Variants in RIPOR2 observed in about 807,000 individuals in gnomAD.
RIPOR2 encodes the protein RHO family interacting cell polarization regulator 2.
A neutral mutation model predicts 114.5 loss-of-function variants in RIPOR2; 39 were observed. The ratio of observed to expected loss-of-function variants is 0.34; its 90% CI spans 0.26 to 0.44. The LOEUF (loss-of-function observed/expected upper bound fraction) is 0.44. Ranked by LOEUF, RIPOR2 falls within the 20% of genes least tolerant of loss-of-function variation. The pLI, the probability that RIPOR2 is intolerant of heterozygous loss-of-function variation, is 1.00. For missense variants in RIPOR2, 1,007 were observed against 1,255.1 expected (o/e 0.80, Z 2.99); for synonymous variants, 445 against 484.4 (o/e 0.92, Z 1.07).
In RIPOR2 at chr6:24,971,008, C is replaced by G. The variant is rs140831217; in HGVS notation, c.76+70843G>C. On this transcript the variant is annotated intron_variant, in intron 1 of 13. Coordinates refer to the RIPOR2 transcript ENST00000510784. ...AATGAGATAATCATCATGTAAAGCA[C>G]TGAAATCGTGCCTGGAACATGGTCA... Among the ~76,000 whole-genome samples, 95 of 152,290 alleles carry G rather than the reference C, an allele frequency of 6.2e-4. 1 individual carries two copies. The highest frequency in any genetic ancestry group is 5.3e-3 in the Admixed American group (81 of 15,280).
chr6:24,832,326 C>T lies in RIPOR2; in HGVS notation c.2274G>A (p.Gln758=). The change falls in exon 16 of 22, where the codon CAG becomes CAA. Residue 758 remains glutamine (Q), a synonymous_variant. Coordinates refer to ENST00000643898, the MANE Select transcript of RIPOR2 (RefSeq NM_001286445.3). The part of the protein sequence containing the change: ...ARSLLEKLSR[Q]IQVMEKLAAV... ...CTGCGAGTTTCTCCATCACTTGGAT[C>T]TGCCTAGAAAGCTTCTCTAAGAGAC... 1 of 1,551,944 alleles carries T rather than the reference C, an allele frequency of 6.4e-7. No homozygotes were observed. The highest frequency in any genetic ancestry group is 8.7e-7 in the Non-Finnish European group (1 of 1,146,970).
intron 12 of RIPOR2, chr6:24,847,443 G>T: frequency 7.8e-7 from 1 of 1,279,544 alleles, no homozygotes; most frequent in Non-Finnish European, 1.1e-6. Flanking sequence ...ACCATACCCA[G>T]TGAGCAAGAC....
At chr6:24,918,317 T>C (rs1770239721) in intron 1 of RIPOR2, among the ~76,000 whole-genome samples, 1 of 152,248 alleles carries the variant, frequency 6.6e-6, no homozygotes, top group African/African-American at 2.4e-5. Flanking sequence ...TCATTACCTA[T>C]TATTGAAAAA....
At chr6:24,818,074 C>T (rs1759327251) in intron 20 of RIPOR2, among the ~76,000 whole-genome samples, 1 of 149,492 alleles carries the variant, frequency 6.7e-6, no homozygotes, top group East Asian at 2.0e-4. Context: ...AGCAATTCTC[C>T]CTCCTCAGCC....
chr6:24,985,488 A>G (rs1774490437), intron 1 of RIPOR2, among the ~76,000 whole-genome samples: 2 of 152,106 alleles, frequency 1.3e-5, no homozygotes, highest in South Asian at 4.1e-4. Flanking sequence ...GTTTCTGGAA[A>G]CCCTAACCCA....
intron 1 of RIPOR2, among the ~76,000 whole-genome samples, chr6:24,965,425 AC>A (rs1459966603): frequency 1.3e-5 from 2 of 152,182 alleles, no homozygotes; most frequent in African/African-American, 4.8e-5. Context: ...GGCATGAGCC[AC>A]CACACCTGGC....
intron 1 of RIPOR2, among the ~76,000 whole-genome samples, chr6:24,942,016 A>G (rs1772157342): frequency 6.6e-6 from 1 of 152,170 alleles, no homozygotes; most frequent in Admixed American, 6.5e-5. Flanking sequence ...GTGACCCCAG[A>G]CCCAAGACAG....
chr6:24,932,318 G>C (rs1197451873), intron 1 of RIPOR2, among the ~76,000 whole-genome samples: 2 of 120,254 alleles, frequency 1.7e-5, no homozygotes, highest in East Asian at 2.5e-4. Context: ...TTAAGACTGT[G>C]TGTGTGTGTG....
chr6:24,940,461 C>CA (rs1243903553), upstream of RIPOR2, among the ~76,000 whole-genome samples: 1 of 151,520 alleles, frequency 6.6e-6, no homozygotes, highest in Non-Finnish European at 1.5e-5. Context: ...GAAAGGAGAA[C>CA]AAAGTAGGAG....
chr6:24,895,708 C>T (rs6913594), intron 1 of RIPOR2, among the ~76,000 whole-genome samples: 5,102 of 152,174 alleles, frequency 0.034, 99 homozygotes, highest in African/African-American at 0.051. Flanking sequence ...AGAACTTCTT[C>T]GGCCGGGCGC....
rs1437406098 is a variant in RIPOR2 at position 25,005,706 on chromosome 6, T to G, written c.76+36145A>C. Among the ~76,000 whole-genome samples the G allele has an allele frequency of 1.2e-4, 7 of 60,574 alleles. 1 individual carries two copies. The East Asian group carries it at 1.9e-3, about 16-fold the overall frequency. The allele number at this position is 60,574 out of a possible 152,430, so 39.7% of individuals were successfully genotyped here. Reference sequence around the variant, plus strand: ...AAATCCCTATGGAGATATATATATATATATATATATATATATATATATATA... The same window carrying G: ...AAATCCCTATGGAGATATATATATAGATATATATATATATATATATATATA... On this transcript the variant is annotated intron_variant, in intron 1 of 13. Coordinates refer to the RIPOR2 transcript ENST00000510784.
chr6:24,893,132 A>G (rs1286233631), intron 1 of RIPOR2, among the ~76,000 whole-genome samples: 1 of 152,236 alleles, frequency 6.6e-6, no homozygotes, highest in Non-Finnish European at 1.5e-5. Flanking sequence ...AGATACTTCA[A>G]CAGCAACAAT....
At chr6:24,881,630 T>C (rs931540868) in intron 1 of RIPOR2, among the ~76,000 whole-genome samples, 1 of 152,238 alleles carries the variant, frequency 6.6e-6, no homozygotes, top group African/African-American at 2.4e-5. Context: ...GACTATGCAG[T>C]GTTAAGTTCC....
At chr6:24,890,102 A>G (rs1336243286) in intron 1 of RIPOR2, among the ~76,000 whole-genome samples, 1 of 151,824 alleles carries the variant, frequency 6.6e-6, no homozygotes, top group African/African-American at 2.4e-5. Context: ...ACCATGTTAG[A>G]CAGGCTGGTC....
intron 7 of RIPOR2, among the ~76,000 whole-genome samples, 161 bp downstream of exon 7, chr6:24,865,140 G>A (rs898311495): frequency 1.3e-5 from 2 of 152,128 alleles, no homozygotes; most frequent in Non-Finnish European, 2.9e-5. Flanking sequence ...CAATTCTACC[G>A]ATTGCCTTTC....
Position 24,828,129 on chromosome 6 carries a change from T to A in RIPOR2, c.2665+8A>T, listed in dbSNP as rs773562735. 27 of 1,541,024 alleles carry A rather than the reference T, an allele frequency of 1.8e-5. No individual in the cohort carries two copies. In the East Asian group the frequency reaches 4.7e-4, roughly 27 times the overall value. ...ACCACTACAATGTGACAAAAGAACA[T>A]GTCCCACCTTGCCTGGCCAGCTGGC... is the stretch of plus-strand genomic sequence containing the variant. On this transcript the variant is annotated splice_region_variant and intron_variant, in intron 18 of 21. Coordinates refer to ENST00000643898, the MANE Select transcript of RIPOR2 (RefSeq NM_001286445.3).
intron 1 of RIPOR2, among the ~76,000 whole-genome samples, chr6:24,981,723 G>A (rs762395767): frequency 1.1e-4 from 16 of 152,174 alleles, no homozygotes; most frequent in Non-Finnish European, 1.5e-5. Flanking sequence ...CTTGCTAATT[G>A]TGGAAGCCTG....
Position 24,832,022 on chromosome 6 carries a change from G to T in RIPOR2, c.2344+234C>A, listed in dbSNP as rs11968283. Among the ~76,000 whole-genome samples the T allele has an allele frequency of 0.026, 3,940 of 152,220 alleles. 158 individuals are homozygous for T. The highest frequency in any genetic ancestry group is 0.083 in the African/African-American group (3,435 of 41,510). ...GAAGTGGATGCTGTTTTTGTTTCTGGGTCTGACTTCTGGGGGTGGAGGCCC... is the reference window on the plus strand; with the variant it reads ...GAAGTGGATGCTGTTTTTGTTTCTGTGTCTGACTTCTGGGGGTGGAGGCCC... On this transcript the variant is annotated intron_variant, in intron 16 of 21. Coordinates refer to ENST00000643898, the MANE Select transcript of RIPOR2 (RefSeq NM_001286445.3).
chr6:25,029,411 G>GAAAAAAAAAAAAAAAAAAAAAA (rs71544610), intron 1 of RIPOR2, among the ~76,000 whole-genome samples: 1 of 90,634 alleles, frequency 1.1e-5, no homozygotes, highest in African/African-American at 4.2e-5. Flanking sequence ...TCTCAAAAAA[G>GAAAAAAAAAAAAAAAAAAAAAA]AAAAAAAAAA....
Sources: gnomAD v4.1 joint callset for allele counts (sites outside exome capture counted in the v4.1 genomes callset) on GRCh38, gnomAD v4.1.1 for gene constraint, MANE v1.5 for transcripts, NCBI Gene and HGNC (gene_info 2026-07-23, HGNC 2026-07-21) for gene names.